ZC3H6: variants seen among roughly 807,000 people sequenced by gnomAD.
The protein encoded by ZC3H6 is zinc finger CCCH domain-containing protein 6.
ZC3H6 carries 40 observed loss-of-function variants against 107.7 expected under a neutral mutation model. The ratio of observed to expected loss-of-function variants is 0.37; its 90% CI spans 0.29 to 0.48. ZC3H6 has a LOEUF of 0.48. ZC3H6 is among the 20% of genes least tolerant of loss of function. The pLI is 0.98. For missense variants in ZC3H6, 1,267 were observed against 1,410.4 expected (o/e 0.90, Z 1.63); for synonymous variants, 493 against 487.9 (o/e 1.01, Z -0.14).
rs755289613 is a variant in ZC3H6 at position 112,332,475 on chromosome 2, C to T, written c.3557C>T (p.Ser1186Leu). ...EVFKTFDPTA[S>L]PFC ...TTTAAAACTTTTGATCCAACTGCTT[C>T]ACCATTTTGTTAGCTATTGTGTAAC... Residue 1186 changes from serine (S) to leucine (L), a missense_variant, in exon 12 of 12, where the codon TCA becomes TTA. By Grantham distance (145) the Ser-to-Leu change is moderately radical (BLOSUM62 -2). Around this residue, in one of 3 missense-constraint regions of ZC3H6, gnomAD observed 925 missense variants for 1,025.7 expected, o/e 0.90. Coordinates refer to ENST00000409871, the MANE Select transcript of ZC3H6 (RefSeq NM_198581.3). The T allele has an allele frequency of 1.2e-6, 2 of 1,605,236 alleles. No homozygotes were observed. The highest frequency in any genetic ancestry group is 1.7e-6 in the Non-Finnish European group (2 of 1,176,414).
intron 7 of ZC3H6, among the ~76,000 whole-genome samples, chr2:112,318,935 A>G (rs1676750480): frequency 6.6e-6 from 1 of 152,220 alleles, no homozygotes; most frequent in African/African-American, 2.4e-5. Flanking sequence ...GATACAGTAG[A>G]GAGTATTTGA....
chr2:112,278,145 G>A (rs1056198287), intron 1 of ZC3H6, among the ~76,000 whole-genome samples: 1 of 152,146 alleles, frequency 6.6e-6, no homozygotes, highest in African/African-American at 2.4e-5. Context: ...GGCTCCCTGG[G>A]AAATTCTTAA....
chr2:112,288,626 C>G (rs1686654910), intron 1 of ZC3H6, among the ~76,000 whole-genome samples: 1 of 152,204 alleles, frequency 6.6e-6, no homozygotes, highest in South Asian at 2.1e-4. Context: ...GCTTTGTGTT[C>G]TTCTACCTTG....
chr2:112,329,947 T>C (rs1676992793), intron 11 of ZC3H6, among the ~76,000 whole-genome samples: 1 of 152,194 alleles, frequency 6.6e-6, no homozygotes, highest in Admixed American at 6.5e-5. Flanking sequence ...ATAGGTAGGC[T>C]TCTTTAGGTA....
Position 112,317,298 on chromosome 2 carries a change from T to C in ZC3H6, c.942T>C (p.Tyr314=), listed in dbSNP as rs1449751028. ...KEICKFYLQG[Y]CTKGENCIYM... Reference sequence around the variant, plus strand: ...TCTGCAAATTTTATTTACAAGGATATTGTACCAAAGGAGAGAACTGCATTT... The same window carrying C: ...TCTGCAAATTTTATTTACAAGGATACTGTACCAAAGGAGAGAACTGCATTT... Residue 314 remains tyrosine (Y), a synonymous_variant, in exon 7 of 12, where the codon TAT becomes TAC. Transcript: ENST00000409871. 1 of 1,579,188 alleles carries C rather than the reference T, an allele frequency of 6.3e-7. No homozygotes were observed. The highest frequency in any genetic ancestry group is 8.6e-7 in the Non-Finnish European group (1 of 1,163,910).
intron 4 of ZC3H6, among the ~76,000 whole-genome samples, chr2:112,310,558 A>G (rs1475605914): frequency 6.6e-6 from 1 of 152,232 alleles, no homozygotes; most frequent in Non-Finnish European, 1.5e-5. Flanking sequence ...GCAAGTGTGC[A>G]TGGACTATGA....
chr2:112,288,937 A>C (rs1253267582), intron 1 of ZC3H6, among the ~76,000 whole-genome samples: 2 of 152,084 alleles, frequency 1.3e-5, no homozygotes. Context: ...TTTGAACCGC[A>C]AACCTTATTA....
intron 1 of ZC3H6, among the ~76,000 whole-genome samples, chr2:112,280,123 C>G (rs1375440676): frequency 5.3e-5 from 8 of 150,750 alleles, no homozygotes; most frequent in African/African-American, 2.0e-4. Context: ...AATTTTCCTT[C>G]CCACTTAAAT....
chr2:112,291,140 C>G (rs991765194), intron 1 of ZC3H6, among the ~76,000 whole-genome samples: 1 of 152,220 alleles, frequency 6.6e-6, no homozygotes, highest in Non-Finnish European at 1.5e-5. Context: ...CTGGCATACC[C>G]TGTGTAAGCT....
chr2:112,332,494 G>A lies in ZC3H6; in HGVS notation c.*6G>A, dbSNP rs1677057829. The stretch of plus-strand genomic sequence containing the variant: ...CTGCTTCACCATTTTGTTAGCTATT[G>A]TGTAACTGAGCAATTCTTTTCACTC... On this transcript the variant is annotated 3_prime_UTR_variant, in exon 12 of 12. Transcript: ENST00000409871. 6.3e-7 allele frequency: 1 copy of A among 1,593,862 alleles called. No homozygotes were observed. Among genetic ancestry groups the A allele is most frequent in the Non-Finnish European group, 8.5e-7 (1 of 1,171,092 alleles).
chr2:112,323,990 G>A (rs1387700046), intron 9 of ZC3H6, among the ~76,000 whole-genome samples, 162 bp from the exon 10 acceptor site: 1 of 152,128 alleles, frequency 6.6e-6, no homozygotes, highest in African/African-American at 2.4e-5. Flanking sequence ...GGTCTATTTC[G>A]TGTTTCTACC....
chr2:112,290,423 C>G (rs550477643), intron 1 of ZC3H6, among the ~76,000 whole-genome samples: 1 of 152,368 alleles, frequency 6.6e-6, no homozygotes, highest in East Asian at 1.9e-4. Flanking sequence ...CCACACTTCC[C>G]TGACGGATGA....
chr2:112,279,261 G>A (rs985319054), intron 1 of ZC3H6, among the ~76,000 whole-genome samples: 1 of 152,126 alleles, frequency 6.6e-6, no homozygotes, highest in Non-Finnish European at 1.5e-5. Flanking sequence ...TATTTCAACT[G>A]GATGTTGACC....
At chr2:112,311,715 A>C in intron 4 of ZC3H6, 89 bp from the exon 5 acceptor site, 1 of 1,186,090 alleles carries the variant, frequency 8.4e-7, no homozygotes, top group Non-Finnish European at 1.2e-6. Context: ...TATATTATAG[A>C]CTATTAAAAT....
At chr2:112,301,932 TAAG>T (rs1156930041) in intron 2 of ZC3H6, among the ~76,000 whole-genome samples, 5 of 151,902 alleles carry the variant, frequency 3.3e-5, no homozygotes, top group African/African-American at 9.7e-5. Context: ...ATTCAAATCA[TAAG>T]AAATTTATGT....
intron 11 of ZC3H6, 35 bp downstream of exon 11, chr2:112,325,232 T>C (rs1558956950): frequency 9.4e-6 from 15 of 1,597,074 alleles, no homozygotes; most frequent in Non-Finnish European, 1.0e-5. Flanking sequence ...TCTTACCTAT[T>C]TGGATGGGTT....
chr2:112,303,065 TG>T (rs1676413879), intron 2 of ZC3H6, among the ~76,000 whole-genome samples, 163 bp from the exon 3 acceptor site: 1 of 152,136 alleles, frequency 6.6e-6, no homozygotes, highest in Admixed American at 6.5e-5. Context: ...GAAGTTGGAA[TG>T]GTGGTGGCCT....
chr2:112,332,536 C>T lies in ZC3H6; in HGVS notation c.*48C>T. 1 of 1,526,504 alleles carries T rather than the reference C, an allele frequency of 6.6e-7. No homozygotes were observed. The highest frequency in any genetic ancestry group is 1.3e-5 in the South Asian group (1 of 77,402). 94.6% of individuals were successfully genotyped at this position (1,526,504 alleles called of 1,614,324 possible). A position where few individuals can be genotyped will look rare whatever the true frequency, so the allele number is the denominator to read the frequency against. On this transcript the variant is annotated 3_prime_UTR_variant, in exon 12 of 12. Coordinates refer to ENST00000409871, the MANE Select transcript of ZC3H6 (RefSeq NM_198581.3). ...TTTTCACTCTTGTGACTATCTCAGTCCTCTGCTGTTTTGTAACTGGTTTAC... is the reference window on the plus strand; with the variant it reads ...TTTTCACTCTTGTGACTATCTCAGTTCTCTGCTGTTTTGTAACTGGTTTAC...
At chr2:112,319,334 C>A (rs980503868) in intron 7 of ZC3H6, among the ~76,000 whole-genome samples, 12 of 151,946 alleles carry the variant, frequency 7.9e-5, no homozygotes, top group East Asian at 1.9e-4. Flanking sequence ...ACACCTCCCC[C>A]ACTCCCATAA....
Sources: gnomAD v4.1 joint callset for allele counts (sites outside exome capture counted in the v4.1 genomes callset) on GRCh38, gnomAD v4.1.1 for gene constraint, gnomAD v4.1.1 regional missense constraint, MANE v1.5 for transcripts, NCBI Gene and HGNC (gene_info 2026-07-23, HGNC 2026-07-21) for gene names.